GRIP1: variants seen among roughly 807,000 people sequenced by gnomAD.
GRIP1 encodes glutamate receptor interacting protein 1.
Under a neutral mutation model 129.9 loss-of-function variants are expected in GRIP1, and 45 were observed. The observed-to-expected ratio is 0.35, with a 90% CI of 0.27 to 0.44. The LOEUF is 0.44. Among genes scored for constraint, GRIP1 ranks in the 20% least tolerant of loss-of-function variants. The pLI is 1.00. For missense variants in GRIP1, 1,196 were observed against 1,396.8 expected, an observed-to-expected ratio of 0.86 and a Z score of 2.29; for synonymous variants, 530 against 520.8, an observed-to-expected ratio of 1.02 and a Z score of -0.24.
chr12:66,905,271 A>G lies in GRIP1; in HGVS notation c.58+163779T>C, dbSNP rs149667695. Among the ~76,000 whole-genome samples the G allele has an allele frequency of 2.5e-3, 376 of 152,354 alleles. 1 individual carries two copies. The highest frequency in any genetic ancestry group is 7.2e-3 in the African/African-American group (300 of 41,582). ...TGGCAAGTTGCCTGGTTCTTGTTTT[A>G]TAAAAATGTTCATTGTAGGAAATCT... is the stretch of plus-strand genomic sequence containing the variant. On this transcript the variant is annotated intron_variant, in intron 1 of 1. Transcript: ENST00000643019.
At chr12:66,506,596 G>T (rs967859652) in intron 7 of GRIP1, among the ~76,000 whole-genome samples, 2 of 152,094 alleles carry the variant, frequency 1.3e-5, no homozygotes, top group African/African-American at 2.4e-5. Flanking sequence ...TCTTGACCTC[G>T]ATGGAGAACA....
At chr12:66,954,051 C>T (rs2041802572) in intron 1 of GRIP1, among the ~76,000 whole-genome samples, 1 of 152,212 alleles carries the variant, frequency 6.6e-6, no homozygotes, top group African/African-American at 2.4e-5. Flanking sequence ...CTCCTCTGCA[C>T]AGAGTTTGCA....
chr12:66,622,083 A>G (rs1280956913), intron 1 of GRIP1, among the ~76,000 whole-genome samples: 7 of 152,174 alleles, frequency 4.6e-5, no homozygotes, highest in African/African-American at 1.7e-4. Flanking sequence ...GATGTACAAA[A>G]GGTTTTAATT....
chr12:67,064,016 G>GA (rs35821581), intron 1 of GRIP1, among the ~76,000 whole-genome samples: 5 of 151,704 alleles, frequency 3.3e-5, no homozygotes, highest in Admixed American at 6.6e-5. Context: ...AATACGCTTT[G>GA]AAAAAAAAGG....
intron 2 of GRIP1, chr12:66,568,795 T>C (rs970967481): frequency 3.4e-6 from 1 of 294,562 alleles, no homozygotes; most frequent in Non-Finnish European, 6.7e-6. Context: ...GCACTGCCTC[T>C]ACTATTTGGT....
chr12:66,551,748 G>T (rs1281843438), intron 2 of GRIP1, among the ~76,000 whole-genome samples: 3 of 151,728 alleles, frequency 2.0e-5, no homozygotes, highest in Non-Finnish European at 2.9e-5. Flanking sequence ...CAATTTTGTT[G>T]TTGTTGTTGT....
intron 17 of GRIP1, among the ~76,000 whole-genome samples, chr12:66,393,276 T>C (rs1033690169): frequency 6.7e-6 from 1 of 148,410 alleles, no homozygotes; most frequent in Non-Finnish European, 1.5e-5. Context: ...CATCCCGGGT[T>C]CAAGCAATTC....
At chr12:66,378,895 C>T (rs899669801) in intron 20 of GRIP1, among the ~76,000 whole-genome samples, 5 of 152,148 alleles carry the variant, frequency 3.3e-5, no homozygotes, top group African/African-American at 7.2e-5. Flanking sequence ...TGCAGTGAGC[C>T]GAGATCTTGC....
At chr12:66,676,031 G>C (rs1026465341) in intron 1 of GRIP1, among the ~76,000 whole-genome samples, 1 of 152,168 alleles carries the variant, frequency 6.6e-6, no homozygotes, top group Non-Finnish European at 1.5e-5. Flanking sequence ...TGTCTATGTG[G>C]AGTGATCCAA....
chr12:66,982,918 G>A (rs2042259690), intron 1 of GRIP1, among the ~76,000 whole-genome samples: 1 of 152,184 alleles, frequency 6.6e-6, no homozygotes, highest in Admixed American at 6.6e-5. Flanking sequence ...GGGGCCATAT[G>A]ACTTATAAGA....
chr12:66,908,099 T>C (rs2040965056), intron 1 of GRIP1, among the ~76,000 whole-genome samples: 1 of 152,230 alleles, frequency 6.6e-6, no homozygotes, highest in African/African-American at 2.4e-5. Flanking sequence ...GACTCCATAT[T>C]GTTTTTATTT....
At chr12:66,650,309 G>A (rs1043262310) in intron 1 of GRIP1, among the ~76,000 whole-genome samples, 2 of 152,108 alleles carry the variant, frequency 1.3e-5, no homozygotes, top group Non-Finnish European at 2.9e-5. Flanking sequence ...GAGACAAGAA[G>A]CACCATGACA....
At chr12:66,606,054 C>T (rs7315860) in intron 1 of GRIP1, among the ~76,000 whole-genome samples, 51,107 of 151,870 alleles carry the variant, frequency 0.34, 8,872 homozygotes, top group Non-Finnish European at 0.37. Context: ...AATCACTGTG[C>T]AACTCTCAAC....
rs1333682066 is a variant in GRIP1, at chr12:66,867,190, T to TGTTTCACCAC, written c.58+201859_58+201860insGTGGTGAAAC. Among the ~76,000 whole-genome samples, 241 of 152,204 alleles carry TGTTTCACCAC rather than the reference T, an allele frequency of 1.6e-3. 2 individuals are homozygous for TGTTTCACCAC. Among genetic ancestry groups the TGTTTCACCAC allele is most frequent in the African/African-American group, 5.7e-3 (236 of 41,528 alleles). ...TTTTAGTAGAGACGGTGTTTCACCA[T>TGTTTCACCAC]GTTGGCCAGGCTGGTCTCAAACTCC... On this transcript the variant is annotated intron_variant, in intron 1 of 1. Coordinates refer to the GRIP1 transcript ENST00000643019.
intron 1 of GRIP1, among the ~76,000 whole-genome samples, chr12:67,003,420 G>A (rs2042580546): frequency 6.6e-6 from 1 of 152,100 alleles, no homozygotes; most frequent in African/African-American, 2.4e-5. Context: ...GGCCAGGTGT[G>A]GTGGCTCATG....
intron 1 of GRIP1, among the ~76,000 whole-genome samples, chr12:66,684,369 C>T (rs2034700338): frequency 6.6e-6 from 1 of 152,162 alleles, no homozygotes. Flanking sequence ...CTCCTGCAAC[C>T]TCTTCCTGTT....
At chr12:66,723,185 T>C (rs2036112815) in intron 1 of GRIP1, among the ~76,000 whole-genome samples, 1 of 149,540 alleles carries the variant, frequency 6.7e-6, no homozygotes, top group Non-Finnish European at 1.5e-5. Flanking sequence ...ATCTTCCACC[T>C]AGGGTTTTTC....
chr12:66,660,878 T>C (rs184398123), intron 1 of GRIP1, among the ~76,000 whole-genome samples: 2 of 152,194 alleles, frequency 1.3e-5, no homozygotes, highest in Admixed American at 6.5e-5. Flanking sequence ...TGTGTGTATA[T>C]GTTTATATGT....
intron 1 of GRIP1, among the ~76,000 whole-genome samples, chr12:66,987,363 C>T (rs1160669412): frequency 6.6e-6 from 1 of 152,160 alleles, no homozygotes; most frequent in African/African-American, 2.4e-5. Flanking sequence ...AGATAAAGTA[C>T]AATGAGAGAT....
Sources: allele counts gnomAD v4.1 joint callset (sites outside exome capture counted in the v4.1 genomes callset), GRCh38; gene constraint gnomAD v4.1.1; transcripts MANE v1.5; gene names NCBI Gene and HGNC (gene_info 2026-07-23, HGNC 2026-07-21).